Variants in SLC24A2 observed in about 807,000 individuals in gnomAD.
The protein encoded by SLC24A2 is solute carrier family 24 member 2, also known as sodium/potassium/calcium exchanger 2.
A neutral mutation model predicts 62.0 loss-of-function variants in SLC24A2; 36 were observed. The observed-to-expected ratio is 0.58, with a 90% confidence interval of 0.44 to 0.77. The LOEUF (loss-of-function observed/expected upper bound fraction) is 0.77, where lower values mean the gene tolerates loss of function less well. SLC24A2 is among the 30% of genes least tolerant of loss of function. SLC24A2 has a pLI of 0.00. For missense variants in SLC24A2, 846 were observed against 817.9 expected, an observed-to-expected ratio of 1.03 and a Z score of -0.42; for synonymous variants, 358 against 294.0, an observed-to-expected ratio of 1.22 and a Z score of -2.23.
At chr9:19,896,329 T>A in the SLC24A2 span, among the ~76,000 whole-genome samples, 13 of 152,220 alleles carry the variant, frequency 8.5e-5, no homozygotes, top group South Asian at 2.1e-4. Flanking sequence ...TGAAACAGCT[T>A]AGTCAGGTAT....
the SLC24A2 span, among the ~76,000 whole-genome samples, chr9:20,175,842 A>T: frequency 1.3e-5 from 2 of 152,044 alleles, no homozygotes; most frequent in African/African-American, 4.8e-5. Flanking sequence ...CTGTTATTAG[A>T]TAAATAACTG....
chr9:20,305,221 C>T, the SLC24A2 span, among the ~76,000 whole-genome samples: 3 of 151,600 alleles, frequency 2.0e-5, no homozygotes, highest in African/African-American at 7.3e-5. Flanking sequence ...GATTCTCCTG[C>T]CTCAGCCTCC....
the SLC24A2 span, among the ~76,000 whole-genome samples, chr9:20,220,847 G>C: frequency 4.6e-5 from 7 of 152,004 alleles, no homozygotes; most frequent in Admixed American, 3.9e-4. Context: ...CTACCTAAAC[G>C]AAAAATATCA....
the SLC24A2 span, among the ~76,000 whole-genome samples, chr9:20,059,330 TAAC>T: frequency 1.3e-4 from 20 of 152,152 alleles, no homozygotes; most frequent in Non-Finnish European, 2.6e-4. Flanking sequence ...AAACTCCATT[TAAC>T]AACAGCAGAA....
the SLC24A2 span, among the ~76,000 whole-genome samples, chr9:20,192,318 T>C: frequency 6.6e-6 from 1 of 152,062 alleles, no homozygotes; most frequent in African/African-American, 2.4e-5. Context: ...GCCTGGAAAG[T>C]TGCACTAAAG....
chr9:19,862,144 T>C, the SLC24A2 span, among the ~76,000 whole-genome samples: 8 of 152,126 alleles, frequency 5.3e-5, no homozygotes, highest in African/African-American at 1.7e-4. Flanking sequence ...TCTCAAGGCA[T>C]TTAATAATCA....
the SLC24A2 span, among the ~76,000 whole-genome samples, chr9:20,287,158 T>C: frequency 4.6e-5 from 7 of 152,112 alleles, no homozygotes; most frequent in African/African-American, 1.7e-4. Context: ...GCACAAATCC[T>C]CCACCATGCT....
chr9:20,294,540 T>C, the SLC24A2 span, among the ~76,000 whole-genome samples: 63 of 152,316 alleles, frequency 4.1e-4, no homozygotes, highest in East Asian at 0.011. Context: ...TCTTCAGTTC[T>C]GCTGACTCAA....
the SLC24A2 span, among the ~76,000 whole-genome samples, chr9:20,077,566 C>T: frequency 6.6e-6 from 1 of 150,472 alleles, no homozygotes; most frequent in Admixed American, 6.6e-5. Flanking sequence ...TGAGCACCTG[C>T]TGCTACTGGC....
At chr9:19,956,036 T>C in the SLC24A2 span, among the ~76,000 whole-genome samples, 9 of 152,174 alleles carry the variant, frequency 5.9e-5, no homozygotes, top group African/African-American at 2.2e-4. Context: ...GCCCTAGAGG[T>C]ACCACATTAA....
chr9:19,831,342 A>G, the SLC24A2 span, among the ~76,000 whole-genome samples: 2 of 152,296 alleles, frequency 1.3e-5, no homozygotes, highest in South Asian at 4.1e-4. Flanking sequence ...GAAAGTCTGT[A>G]TGAAAATAAA....
At chr9:19,941,590 T>TCTGTGTGTGTGTGAGA in the SLC24A2 span, among the ~76,000 whole-genome samples, 2 of 127,916 alleles carry the variant, frequency 1.6e-5, no homozygotes, top group Non-Finnish European at 3.3e-5. Context: ...TGTGTGTGTG[T>TCTGTGTGTGTGTGAGA]GAGAGAGAGA....
At chr9:19,789,409 A>T (rs1464274223), upstream of SLC24A2, among the ~76,000 whole-genome samples, 1 of 152,170 alleles carries the variant, frequency 6.6e-6, no homozygotes, top group Non-Finnish European at 1.5e-5. Context: ...AGGCGATGTG[A>T]TGTGTAATGG....
chr9:19,836,331 C>A, the SLC24A2 span, among the ~76,000 whole-genome samples: 3 of 152,074 alleles, frequency 2.0e-5, no homozygotes, highest in African/African-American at 7.2e-5. Flanking sequence ...AGACCACTAG[C>A]AAGACTAATA....
chr9:20,172,896 G>C, the SLC24A2 span, among the ~76,000 whole-genome samples: 1 of 151,170 alleles, frequency 6.6e-6, no homozygotes, highest in African/African-American at 2.4e-5. Flanking sequence ...CATAACTACA[G>C]ACCAATATCT....
At chr9:19,735,063 G>A (rs938703840) in intron 2 of SLC24A2, among the ~76,000 whole-genome samples, 3 of 152,018 alleles carry the variant, frequency 2.0e-5, no homozygotes, top group African/African-American at 7.3e-5. Context: ...CACCATCAGA[G>A]TGAACAGGCA....
the SLC24A2 span, among the ~76,000 whole-genome samples, chr9:20,232,744 G>C: frequency 5.9e-5 from 9 of 152,092 alleles, no homozygotes; most frequent in Admixed American, 4.6e-4. Flanking sequence ...CTTCAGTTCT[G>C]TTCTGATCTT....
At chr9:20,179,141 C>A in the SLC24A2 span, among the ~76,000 whole-genome samples, 1 of 152,096 alleles carries the variant, frequency 6.6e-6, no homozygotes, top group Non-Finnish European at 1.5e-5. Context: ...AGGTTGGGGG[C>A]AGCTGGAAGA....
the SLC24A2 span, among the ~76,000 whole-genome samples, chr9:19,986,857 T>C: frequency 1.3e-5 from 2 of 152,184 alleles, no homozygotes; most frequent in Non-Finnish European, 2.9e-5. Flanking sequence ...TGGAATTAGA[T>C]AGAGGTGGTA....
Sources: allele counts gnomAD v4.1 joint callset (sites outside exome capture counted in the v4.1 genomes callset), GRCh38; gene constraint gnomAD v4.1.1; transcripts MANE v1.5; gene names NCBI Gene and HGNC (gene_info 2026-07-23, HGNC 2026-07-21).